RMI1: variants seen among roughly 807,000 people sequenced by gnomAD.
The protein encoded by RMI1 is RecQ mediated genome instability 1.
A neutral mutation model predicts 46.7 loss-of-function variants in RMI1; 36 were observed. That is an observed-to-expected ratio of 0.77 (90% CI 0.59 to 1.02). RMI1 has a LOEUF of 1.02. Among genes scored for constraint, RMI1 ranks in the 50% least tolerant of loss-of-function variants. RMI1 has a pLI of 0.00. For synonymous variants in RMI1, 250 were observed against 252.9 expected (o/e 0.99, Z 0.11); for missense variants, 676 against 713.7 (o/e 0.95, Z 0.60).
chr9:83,988,343 G>A (rs533734949), intron 1 of RMI1, among the ~76,000 whole-genome samples: 66 of 151,978 alleles, frequency 4.3e-4, no homozygotes, highest in South Asian at 1.5e-3. Context: ...TTGCTCTATC[G>A]CCCAAGCTGG....
chr9:83,988,071 TAGAG>T (rs1340197106), intron 1 of RMI1, among the ~76,000 whole-genome samples: 5 of 151,754 alleles, frequency 3.3e-5, no homozygotes, highest in Non-Finnish European at 5.9e-5. Flanking sequence ...TTGTAACAGA[TAGAG>T]AGATAGAGAT....
intron 1 of RMI1, among the ~76,000 whole-genome samples, chr9:83,982,006 A>G (rs1314199674): frequency 6.6e-6 from 1 of 152,206 alleles, no homozygotes; most frequent in African/African-American, 2.4e-5. Flanking sequence ...TTTAAGTGAT[A>G]ATATAATTTT....
chr9:84,002,649 G>A lies in RMI1; in HGVS notation c.1663G>A (p.Gly555Arg). 6.2e-7 allele frequency: 1 copy of A among 1,613,870 alleles called. No individual in the cohort carries two copies. The highest frequency in any genetic ancestry group is 8.5e-7 in the Non-Finnish European group (1 of 1,179,888). Reference protein sequence around the residue: ...FVDEILTSLIGFSVPEMKQSK... With the variant: ...FVDEILTSLIRFSVPEMKQSK... ...GGATGAAATACTTACTAGCTTGATA[G>A]GGTTCTCAGTACCAGAAATGAAACA... The change falls in exon 3 of 3, where the codon GGG (glycine) becomes AGG (arginine). Residue 555 changes from glycine to arginine, a missense_variant. Transcript: ENST00000445877.
intron 1 of RMI1, among the ~76,000 whole-genome samples, chr9:83,997,100 A>ACCCC (rs1392740034): frequency 1.1e-5 from 1 of 92,706 alleles, no homozygotes; most frequent in African/African-American, 4.8e-5. Flanking sequence ...TAAGTCCAAC[A>ACCCC]CCCCCCCCTT....
At position 84,003,187 on chromosome 9, in the gene RMI1, G is replaced by C. The variant is rs1319822213; in HGVS notation, c.*323G>C. 5.4e-6 allele frequency: 1 copy of C among 185,890 alleles called. No individual in the cohort carries two copies. Among genetic ancestry groups the C allele is most frequent in the Non-Finnish European group, 1.2e-5 (1 of 82,590 alleles). The allele number at this position is 185,890 out of a possible 1,614,324, so 11.5% of individuals were successfully genotyped here. A position where few individuals can be genotyped will look rare whatever the true frequency, so the allele number is the denominator to read the frequency against. On this transcript the variant is annotated 3_prime_UTR_variant, in exon 3 of 3. Transcript: ENST00000445877. ...GCCTCTTGAGTTGCTGGGACTATAG[G>C]CATGTACCACCATGCCCAGCTAATT...
intron 1 of RMI1, among the ~76,000 whole-genome samples, chr9:83,997,108 C>CTCTT (rs1957667988): frequency 1.7e-5 from 1 of 60,314 alleles, no homozygotes; most frequent in Admixed American, 2.9e-4. Context: ...ACACCCCCCC[C>CTCTT]TTTTTTTTTT....
At chr9:83,992,209 A>T (rs1031248722) in intron 1 of RMI1, among the ~76,000 whole-genome samples, 1 of 152,224 alleles carries the variant, frequency 6.6e-6, no homozygotes, top group African/African-American at 2.4e-5. Context: ...AGGTGCTATT[A>T]TAAAATACAC....
At chr9:83,997,708 A>G (rs994579641) in intron 1 of RMI1, among the ~76,000 whole-genome samples, 2 of 152,132 alleles carry the variant, frequency 1.3e-5, no homozygotes, top group African/African-American at 2.4e-5. Context: ...ACCTCCTACC[A>G]GGTCTTACCT....
chr9:83,981,596 G>A (rs915732036), intron 1 of RMI1, among the ~76,000 whole-genome samples: 3 of 152,126 alleles, frequency 2.0e-5, no homozygotes, highest in African/African-American at 7.2e-5. Flanking sequence ...TCCAGCCCTG[G>A]TAGTACCCGC....
rs1176320831 is a variant in RMI1, at chr9:84,003,075, A to AT, written c.*213dup. 2 of 378,268 alleles carry AT rather than the reference A, an allele frequency of 5.3e-6. No individual in the cohort carries two copies. The allele number at this position is 378,268 out of a possible 1,614,324, so 23.4% of individuals were successfully genotyped here. A position where few individuals can be genotyped will look rare whatever the true frequency, so the allele number is the denominator to read the frequency against. ...TTTTTTTTTTTTTTAATGTCAGGGT[A>AT]TTGCTCTGTTGCCCAGGCTAGAGTG... is the stretch of plus-strand genomic sequence containing the variant. On this transcript the variant is annotated 3_prime_UTR_variant, in exon 3 of 3. Transcript: ENST00000445877.
At position 84,001,942 on chromosome 9, in the gene RMI1, C is replaced by T. The variant is rs141490998; in HGVS notation, c.956C>T (p.Ala319Val). The change falls in exon 3 of 3, where the codon GCC (alanine) becomes GTC (valine). Residue 319 changes from alanine (A) to valine (V), a missense_variant. By Grantham distance (64) the Ala-to-Val change is moderately conservative (BLOSUM62 0). Coordinates refer to ENST00000445877, the MANE Select transcript of RMI1 (RefSeq NM_001358291.2). ...TTAGATGACTTTTCACTGGAGGAGGCCTTGCTTTTAGAAGAAACTGTCCAG... is the reference window on the plus strand; with the variant it reads ...TTAGATGACTTTTCACTGGAGGAGGTCTTGCTTTTAGAAGAAACTGTCCAG... ...GELDDFSLEE[A>V]LLLEETVQKE... 5 of 1,614,000 alleles carry T rather than the reference C, an allele frequency of 3.1e-6. No homozygotes were observed. The East Asian group carries it at 1.1e-4, about 36-fold the overall frequency.
chr9:83,994,966 C>T (rs2133119322), intron 1 of RMI1, among the ~76,000 whole-genome samples: 1 of 152,104 alleles, frequency 6.6e-6, no homozygotes, highest in Non-Finnish European at 1.5e-5. Context: ...TTTTTTCAAC[C>T]TAGAAAATAA....
chr9:83,993,946 A>ATT (rs35033710), intron 1 of RMI1, among the ~76,000 whole-genome samples: 3 of 127,180 alleles, frequency 2.4e-5, no homozygotes, highest in African/African-American at 5.7e-5. Context: ...TGCCCGGCTA[A>ATT]TTTTTTTTTT....
rs1957763220 is a variant in RMI1, at chr9:84,003,038, A to G, written c.*174A>G. 1 of 468,300 alleles carries G rather than the reference A, an allele frequency of 2.1e-6. No individual in the cohort carries two copies. The allele number at this position is 468,300 out of a possible 1,614,324, so 29.0% of individuals were successfully genotyped here. On this transcript the variant is annotated 3_prime_UTR_variant, in exon 3 of 3. Transcript: ENST00000445877. ...TGTTATATGTGGAGCTTTTGAAAAT[A>G]AGTTAATCTTTTTTTTTTTTTTTTT...
intron 1 of RMI1, among the ~76,000 whole-genome samples, chr9:83,994,037 G>A (rs1182458649): frequency 1.3e-5 from 2 of 149,942 alleles, no homozygotes; most frequent in East Asian, 2.0e-4. Flanking sequence ...ACCTGCCTCC[G>A]CCTCCCAAAG....
intron 1 of RMI1, among the ~76,000 whole-genome samples, chr9:83,992,208 T>TATAA (rs1162981052): frequency 1.3e-5 from 2 of 152,230 alleles, no homozygotes; most frequent in African/African-American, 2.4e-5. Context: ...TAGGTGCTAT[T>TATAA]ATAAAATACA....
rs982540072 is a variant in RMI1, at chr9:84,002,603, A to C, written c.1617A>C (p.Ala539=). The part of the protein sequence containing the change: ...SITAKVSDGT[A]YLDVDFVDEI... ...CTGCAAAGGTGTCTGATGGTACTGC[A>C]TATCTAGATGTAGACTTTGTGGATG... Residue 539 remains alanine, a synonymous_variant, in exon 3 of 3, where the codon GCA becomes GCC. Transcript: ENST00000445877. 1.9e-6 allele frequency: 3 copies of C among 1,613,868 alleles called. No individual in the cohort carries two copies. Among genetic ancestry groups the C allele is most frequent in the Non-Finnish European group, 2.5e-6 (3 of 1,179,904 alleles).
chr9:83,995,968 TA>T (rs751256481), intron 1 of RMI1, among the ~76,000 whole-genome samples: 50 of 150,398 alleles, frequency 3.3e-4, no homozygotes, highest in Middle Eastern at 3.4e-3. Flanking sequence ...CTCAAAGAGA[TA>T]AAAAAAAAAT....
intron 1 of RMI1, among the ~76,000 whole-genome samples, chr9:83,993,781 TTTATTA>T (rs953807547): frequency 1.3e-5 from 2 of 151,722 alleles, no homozygotes; most frequent in Admixed American, 6.6e-5. Context: ...TGTATATCTT[TTTATTA>T]TTATTATTAT....
Sources: allele counts gnomAD v4.1 joint callset (sites outside exome capture counted in the v4.1 genomes callset), GRCh38; gene constraint gnomAD v4.1.1; transcripts MANE v1.5; gene names NCBI Gene and HGNC (gene_info 2026-07-23, HGNC 2026-07-21).